PSMD13: variants seen among roughly 807,000 people sequenced by gnomAD.
The protein encoded by PSMD13 is 26S proteasome non-ATPase regulatory subunit 13.
PSMD13 carries 8 observed loss-of-function variants against 57.4 expected under a neutral mutation model. That is an observed-to-expected ratio of 0.14 (90% CI 0.08 to 0.25). The LOEUF (loss-of-function observed/expected upper bound fraction) is 0.25, where lower values mean the gene tolerates loss of function less well. PSMD13 is among the 10% of genes least tolerant of loss of function. The pLI is 1.00. For missense variants in PSMD13, 400 were observed against 461.5 expected (o/e 0.87, Z 1.22); for synonymous variants, 193 against 168.2 (o/e 1.15, Z -1.14).
chr11:238,011 G>A (rs745621806), intron 1 of PSMD13, among the ~76,000 whole-genome samples: 14 of 152,202 alleles, frequency 9.2e-5, no homozygotes, highest in South Asian at 4.1e-4. Context: ...GTTTTTGAGA[G>A]CAAATTAATG....
At chr11:240,100 G>GC (rs1564820136) in intron 2 of PSMD13, among the ~76,000 whole-genome samples, 9 of 44,486 alleles carry the variant, frequency 2.0e-4, no homozygotes, top group Non-Finnish European at 4.5e-4. Context: ...AATGAGACCT[G>GC]CTTTTTTTTT....
intron 2 of PSMD13, among the ~76,000 whole-genome samples, chr11:240,101 CTTTTTTTTTTTTTTT>C (rs60869932): frequency 1.9e-5 from 1 of 51,412 alleles, no homozygotes; most frequent in Non-Finnish European, 3.4e-5. Flanking sequence ...ATGAGACCTG[CTTTTTTTTTTTTTTT>C]TTTTTTTTTT....
chr11:247,560 G>C (rs369331046), intron 7 of PSMD13, 112 bp downstream of exon 7: 50 of 1,224,926 alleles, frequency 4.1e-5, no homozygotes, highest in African/African-American at 3.7e-4. Flanking sequence ...GGCTGGGCAC[G>C]GTGGCTCACG....
rs748029034 is a variant in PSMD13 at position 247,435 on chromosome 11, C to T, written c.555C>T (p.Ile185=). Reference sequence around the variant, plus strand: ...TGCGGTTTTTGGGCTGTGTTGACATCAAGGATCTACCAGGTAACCTAGGCC... The same window carrying T: ...TGCGGTTTTTGGGCTGTGTTGACATTAAGGATCTACCAGGTAACCTAGGCC... The part of the protein sequence containing the change: ...DALRFLGCVD[I]KDLPVSEQQE... The change falls in exon 7 of 13, where the codon ATC becomes ATT. Residue 185 remains isoleucine, a synonymous_variant. Transcript: ENST00000532097. 5.3e-5 allele frequency: 86 copies of T among 1,610,998 alleles called. No individual in the cohort carries two copies. The highest frequency in any genetic ancestry group is 3.7e-4 in the South Asian group (34 of 90,868).
At chr11:246,449 C>T (rs528343417) in intron 6 of PSMD13, among the ~76,000 whole-genome samples, 32 of 151,392 alleles carry the variant, frequency 2.1e-4, no homozygotes, top group African/African-American at 6.3e-4. Context: ...TGCAGTGAGC[C>T]GAGATCGCAC....
rs1317475222 is a variant in PSMD13, at chr11:242,420, G to A, written c.175-1621G>A. ...TAAATTTTATTTCATTAACTTAATA[G>A]GTGAACAAAATGTGTATTTCAAATC... On this transcript the variant is annotated intron_variant, in intron 2 of 12. Transcript: ENST00000532097. Among the ~76,000 whole-genome samples, 3 of 151,280 alleles carry A rather than the reference G, an allele frequency of 2.0e-5. No homozygotes were observed. The East Asian group carries it at 5.8e-4, about 29-fold the overall frequency.
intron 1 of PSMD13, among the ~76,000 whole-genome samples, chr11:237,680 G>C (rs753577285): frequency 2.5e-4 from 38 of 152,230 alleles, no homozygotes; most frequent in Non-Finnish European, 4.6e-4. Context: ...GGTTGCACGG[G>C]GTGCAACCAC....
rs1208948270 is a variant in PSMD13, at chr11:248,921, C to T, written c.649-11C>T. 1 of 1,614,180 alleles carries T rather than the reference C, an allele frequency of 6.2e-7. No individual in the cohort carries two copies. Among genetic ancestry groups the T allele is most frequent in the Non-Finnish European group, 8.5e-7 (1 of 1,180,028 alleles). The stretch of plus-strand genomic sequence containing the variant: ...TAAAGTGTTACTAGCTGACCATCTC[C>T]ATCCTCACAGCTCATGCACCCTGTG... On this transcript the variant is annotated splice_polypyrimidine_tract_variant and intron_variant, in intron 8 of 12. Coordinates refer to ENST00000532097, the MANE Select transcript of PSMD13 (RefSeq NM_002817.4).
rs1859703428 is a variant in PSMD13, at chr11:248,601, T to C, written c.569-175T>C. ...CCCAAAAAACCCATGTATATATGGT[T>C]CTTGGTATAATCTAAGTCAACCCAA... On this transcript the variant is annotated intron_variant, in intron 7 of 12. Coordinates refer to ENST00000532097, the MANE Select transcript of PSMD13 (RefSeq NM_002817.4). 11 of 637,234 alleles carry C rather than the reference T, an allele frequency of 1.7e-5. No individual in the cohort carries two copies. In the Admixed American group the frequency reaches 3.2e-4, roughly 18 times the overall value. 39.5% of individuals were successfully genotyped at this position (637,234 alleles called of 1,614,324 possible).
chr11:237,728 C>T (rs1053877577), intron 1 of PSMD13, among the ~76,000 whole-genome samples: 3 of 152,206 alleles, frequency 2.0e-5, no homozygotes, highest in African/African-American at 7.2e-5. Context: ...CATTGTATTT[C>T]TCATGGGCTT....
intron 2 of PSMD13, among the ~76,000 whole-genome samples, chr11:240,920 C>T (rs1859499697): frequency 6.6e-6 from 1 of 150,768 alleles, no homozygotes; most frequent in African/African-American, 2.4e-5. Flanking sequence ...CATCCTCCTC[C>T]TCCCGGGTTC....
At position 252,394 on chromosome 11, in the gene PSMD13, CCTAGAGAGTTAG is replaced by C; in HGVS notation, c.1036-108_1036-97del. ...CAGAGGTCCTTTTTACTAGAGCTGC[CCTAGAGAGTTAG>C]CTGGAGATGTAGAGTCACCCCATCA... On this transcript the variant is annotated intron_variant, in intron 12 of 12. Transcript: ENST00000532097. The surrounding 1 kb of genome is among the most constrained non-coding windows in gnomAD (Gnocchi z 4.1). 1 of 978,436 alleles carries C rather than the reference CCTAGAGAGTTAG, an allele frequency of 1.0e-6. No homozygotes were observed. The highest frequency in any genetic ancestry group is 1.6e-6 in the Non-Finnish European group (1 of 614,660). 60.6% of individuals were successfully genotyped at this position (978,436 alleles called of 1,614,324 possible).
chr11:243,892 C>G (rs1475678207), intron 2 of PSMD13, 149 bp from the exon 3 acceptor site: 2 of 668,124 alleles, frequency 3.0e-6, no homozygotes, highest in African/African-American at 3.7e-5. Flanking sequence ...TGCAAACATG[C>G]ATTGCTTACT....
intron 9 of PSMD13, among the ~76,000 whole-genome samples, 185 bp downstream of exon 9, chr11:249,242 G>A (rs1015312237): frequency 6.6e-6 from 1 of 152,142 alleles, no homozygotes; most frequent in Non-Finnish European, 1.5e-5. Context: ...GCATTACTCA[G>A]TGCTGCAGAC....
At chr11:248,748 T>C in intron 7 of PSMD13, 28 bp from the exon 8 acceptor site, 10 of 1,606,092 alleles carry the variant, frequency 6.2e-6, no homozygotes, top group Non-Finnish European at 8.5e-6. Context: ...ATGACTGGAT[T>C]GTAAGTGGGC....
Position 247,281 on chromosome 11 carries a change from C to T in PSMD13, c.401C>T (p.Thr134Ile). The T allele has an allele frequency of 5.0e-6, 8 of 1,610,034 alleles. No individual in the cohort carries two copies. Among genetic ancestry groups the T allele is most frequent in the Non-Finnish European group, 5.1e-6 (6 of 1,178,536 alleles). ...NIGDLQVTKE[T>I]IEDVEEMLNN... ...GATTTTCCTTCCTGTGTATAGGAAA[C>T]AATTGAAGATGTTGAAGAAATGCTC... Residue 134 changes from threonine to isoleucine, a missense_variant, in exon 7 of 13, where the codon ACA (threonine) becomes ATA (isoleucine). Transcript: ENST00000532097.
chr11:246,549 C>T (rs1859652302), intron 6 of PSMD13, among the ~76,000 whole-genome samples: 1 of 152,112 alleles, frequency 6.6e-6, no homozygotes, highest in African/African-American at 2.4e-5. Context: ...ACAAACAGTA[C>T]TGCCATAAGT....
chr11:249,166 G>A, intron 9 of PSMD13, 109 bp downstream of exon 9: 1 of 1,480,162 alleles, frequency 6.8e-7, no homozygotes. Context: ...ACAGGGCAAA[G>A]AGGAGACCAA....
intron 9 of PSMD13, among the ~76,000 whole-genome samples, chr11:249,374 A>G (rs1306535767): frequency 6.6e-6 from 1 of 152,088 alleles, no homozygotes; most frequent in African/African-American, 2.4e-5. Flanking sequence ...GACCTTAGGA[A>G]TGAGTGAAGA....
Sources: gnomAD v4.1 joint callset for allele counts (sites outside exome capture counted in the v4.1 genomes callset) on GRCh38, gnomAD v4.1.1 for gene constraint, Gnocchi (gnomAD v3.1) non-coding constraint, MANE v1.5 for transcripts, NCBI Gene and HGNC (gene_info 2026-07-23, HGNC 2026-07-21) for gene names.